Variants in SLC14A2 observed in about 807,000 individuals in gnomAD.
The protein encoded by SLC14A2 is urea transporter 2.
Under a neutral mutation model 104.6 loss-of-function variants are expected in SLC14A2, and 91 were observed. The observed-to-expected ratio is 0.87, with a 90% CI of 0.73 to 1.04. The LOEUF is 1.04. Among genes scored for constraint, SLC14A2 ranks in the 50% least tolerant of loss-of-function variants. SLC14A2 has a pLI of 0.00. For synonymous variants in SLC14A2, 476 were observed against 466.4 expected, an observed-to-expected ratio of 1.02 and a Z score of -0.27; for missense variants, 1,189 against 1,156.0, an observed-to-expected ratio of 1.03 and a Z score of -0.41.
chr18:45,424,421 G>GA (rs1276615410), intron 1 of SLC14A2, among the ~76,000 whole-genome samples: 1 of 152,200 alleles, frequency 6.6e-6, no homozygotes, highest in Non-Finnish European at 1.5e-5. Context: ...TGGAAGGGGG[G>GA]ATGCTAAGGC....
At chr18:45,369,516 G>A (rs1169749714) in intron 1 of SLC14A2, among the ~76,000 whole-genome samples, 2 of 152,138 alleles carry the variant, frequency 1.3e-5, no homozygotes, top group East Asian at 3.9e-4. Context: ...ATATGGTTGG[G>A]TTGACTGAAG....
At chr18:45,336,003 G>C (rs1599684376) in intron 1 of SLC14A2, among the ~76,000 whole-genome samples, 3 of 152,308 alleles carry the variant, frequency 2.0e-5, no homozygotes, top group South Asian at 4.1e-4. Flanking sequence ...TTCTCGCCAA[G>C]CTGGTTGGAA....
At chr18:45,463,915 G>T (rs928030662) in intron 1 of SLC14A2, among the ~76,000 whole-genome samples, 4 of 152,284 alleles carry the variant, frequency 2.6e-5, no homozygotes, top group Middle Eastern at 3.4e-3. Flanking sequence ...AGCTGAAAAG[G>T]CTCAAATCAG....
rs555070489 is a variant in SLC14A2, at chr18:45,439,450, TTTTTG to T, written c.-124-43778_-124-43774del. 2.8e-3 allele frequency among the ~76,000 whole-genome samples: 428 copies of T among 152,340 alleles called. 1 individual carries two copies. The highest frequency in any genetic ancestry group is 5.0e-3 in the Non-Finnish European group (342 of 68,022). ...ATGCTATGTATATATTCTGATTTTT[TTTTTG>T]TTTTCTTTTTGAAAAACTGTCAATG... On this transcript the variant is annotated intron_variant, in intron 1 of 20. Transcript: ENST00000586448.
At chr18:45,568,074 C>G (rs1279369869) in intron 2 of SLC14A2, among the ~76,000 whole-genome samples, 1 of 152,158 alleles carries the variant, frequency 6.6e-6, no homozygotes, top group African/African-American at 2.4e-5. Flanking sequence ...ATGAAAGTGC[C>G]CAGCTCCCAA....
chr18:45,469,370 A>G (rs2087202704), intron 1 of SLC14A2, among the ~76,000 whole-genome samples: 1 of 152,198 alleles, frequency 6.6e-6, no homozygotes, highest in Non-Finnish European at 1.5e-5. Context: ...ACTTAAGAAG[A>G]TGGATGCAAG....
At chr18:45,401,884 C>T (rs997554980) in intron 1 of SLC14A2, among the ~76,000 whole-genome samples, 4 of 152,150 alleles carry the variant, frequency 2.6e-5, no homozygotes, top group Non-Finnish European at 5.9e-5. Flanking sequence ...TAATCATTCC[C>T]AGATTATAGT....
At chr18:45,601,264 C>G (rs1055338129) in intron 2 of SLC14A2, among the ~76,000 whole-genome samples, 1 of 152,212 alleles carries the variant, frequency 6.6e-6, no homozygotes, top group African/African-American at 2.4e-5. Flanking sequence ...TCCTAACTTA[C>G]CACATGGAGG....
At chr18:45,512,231 C>A (rs2043375359) in intron 2 of SLC14A2, among the ~76,000 whole-genome samples, 1 of 152,140 alleles carries the variant, frequency 6.6e-6, no homozygotes, top group Non-Finnish European at 1.5e-5. Context: ...CAGTCCCCAT[C>A]AGATGGTGGA....
At chr18:45,232,860 C>A (rs2084188221) in intron 1 of SLC14A2, among the ~76,000 whole-genome samples, 2 of 152,178 alleles carry the variant, frequency 1.3e-5, no homozygotes, top group African/African-American at 2.4e-5. Flanking sequence ...GGTAATGTGA[C>A]TAAAAACTTA....
intron 10 of SLC14A2, among the ~76,000 whole-genome samples, chr18:45,657,325 C>CAAAAATACAA (rs558813787): frequency 3.4e-4 from 48 of 141,902 alleles, no homozygotes; most frequent in African/African-American, 1.2e-3. Context: ...TACAAAAATA[C>CAAAAATACAA]AAAAAAAAAA....
At chr18:45,677,731 T>C (rs1443898076) in intron 18 of SLC14A2, among the ~76,000 whole-genome samples, 2 of 152,230 alleles carry the variant, frequency 1.3e-5, no homozygotes, top group Non-Finnish European at 2.9e-5. Flanking sequence ...GAGAATAAGC[T>C]GCCTGGTGTG....
chr18:45,311,740 C>T (rs918590620), intron 1 of SLC14A2, among the ~76,000 whole-genome samples: 4 of 152,220 alleles, frequency 2.6e-5, no homozygotes, highest in African/African-American at 9.6e-5. Flanking sequence ...GATAAGCCAA[C>T]ATCCTCAAAG....
intron 2 of SLC14A2, among the ~76,000 whole-genome samples, chr18:45,565,173 G>GA (rs199761331): frequency 0.022 from 3,363 of 150,702 alleles, 126 homozygotes; most frequent in African/African-American, 0.078. Context: ...CGCCCAGGCT[G>GA]AAGGGCAGTG....
the SLC14A2 span, among the ~76,000 whole-genome samples, chr18:45,177,037 T>G: frequency 2.0e-5 from 3 of 152,172 alleles, no homozygotes; most frequent in Non-Finnish European, 4.4e-5. Context: ...TTTTTTAAAC[T>G]TATCTCAATG....
intron 1 of SLC14A2, among the ~76,000 whole-genome samples, chr18:45,255,555 A>G (rs1331185096): frequency 6.6e-6 from 1 of 152,168 alleles, no homozygotes; most frequent in Non-Finnish European, 1.5e-5. Context: ...GGAGAACTCT[A>G]CCTTTGGCCG....
At chr18:45,476,386 G>A (rs1039920416) in intron 1 of SLC14A2, among the ~76,000 whole-genome samples, 6 of 152,150 alleles carry the variant, frequency 3.9e-5, no homozygotes, top group Admixed American at 6.5e-5. Context: ...TGGGTAACCC[G>A]ACCTTTCTCT....
intron 2 of SLC14A2, 63 bp from the exon 3 acceptor site, chr18:45,625,620 C>T (rs1053329526): frequency 3.7e-5 from 52 of 1,386,866 alleles, no homozygotes; most frequent in Non-Finnish European, 4.9e-5. Flanking sequence ...CCTCCTCTAT[C>T]CCCAAATGTC....
intron 2 of SLC14A2, chr18:45,529,885 T>C (rs1004562760): frequency 6.6e-6 from 1 of 152,082 alleles, no homozygotes; most frequent in Non-Finnish European, 1.5e-5. Context: ...AAAATAGGCA[T>C]AAAAGAGTGC....
Sources: allele counts gnomAD v4.1 joint callset (sites outside exome capture counted in the v4.1 genomes callset), GRCh38; gene constraint gnomAD v4.1.1; transcripts MANE v1.5; gene names NCBI Gene and HGNC (gene_info 2026-07-23, HGNC 2026-07-21).